RALGPS2: variants seen among roughly 807,000 people sequenced by gnomAD.
RALGPS2 encodes Ral GEF with PH domain and SH3 binding motif 2, also known as ras-specific guanine nucleotide-releasing factor RalGPS2.
RALGPS2 carries 43 observed loss-of-function variants against 86.8 expected under a neutral mutation model. That is an observed-to-expected ratio of 0.50 (90% CI 0.39 to 0.64). RALGPS2 has a LOEUF of 0.64. Ranked by LOEUF, RALGPS2 falls within the 30% of genes least tolerant of loss-of-function variation. RALGPS2 has a pLI of 0.00. For synonymous variants in RALGPS2, 243 were observed against 231.3 expected (o/e 1.05, Z -0.46); for missense variants, 536 against 694.6 (o/e 0.77, Z 2.57).
intron 16 of RALGPS2, among the ~76,000 whole-genome samples, chr1:178,894,653 A>G (rs1205089487): frequency 1.3e-5 from 2 of 152,038 alleles, no homozygotes; most frequent in African/African-American, 4.8e-5. Flanking sequence ...TTATTTCTCA[A>G]ATTTTCCAAT....
At chr1:178,812,777 C>T (rs955778160) in intron 6 of RALGPS2, among the ~76,000 whole-genome samples, 1 of 152,122 alleles carries the variant, frequency 6.6e-6, no homozygotes, top group Non-Finnish European at 1.5e-5. Flanking sequence ...AAAGTCATAA[C>T]TCTTTCCTAT....
chr1:178,851,020 C>A, intron 8 of RALGPS2: 1 of 1,071,750 alleles, frequency 9.3e-7, no homozygotes, highest in Admixed American at 3.2e-5. Context: ...ATTTTAAAAA[C>A]TTTCTGTGTA....
At chr1:178,866,298 A>G (rs942339705) in intron 8 of RALGPS2, among the ~76,000 whole-genome samples, 4 of 152,238 alleles carry the variant, frequency 2.6e-5, no homozygotes, top group East Asian at 1.9e-4. Flanking sequence ...TGCAATTCCA[A>G]TTAAATTGAT....
At chr1:178,898,069 C>T (rs1175972161) in intron 17 of RALGPS2, among the ~76,000 whole-genome samples, 2 of 151,984 alleles carry the variant, frequency 1.3e-5, no homozygotes, top group Admixed American at 6.6e-5. Flanking sequence ...GTGGGACCAA[C>T]ATCTAAAGTT....
At chr1:178,861,445 C>T (rs1392778704) in intron 8 of RALGPS2, among the ~76,000 whole-genome samples, 3 of 149,370 alleles carry the variant, frequency 2.0e-5, no homozygotes, top group Non-Finnish European at 4.4e-5. Context: ...CTGTAGCATT[C>T]GTGGGTTTTT....
chr1:178,888,047 T>G (rs1009697975), intron 13 of RALGPS2, among the ~76,000 whole-genome samples: 11 of 152,224 alleles, frequency 7.2e-5, no homozygotes, highest in Non-Finnish European at 1.2e-4. Flanking sequence ...ATGGATGTCC[T>G]TTTGGCTACC....
intron 8 of RALGPS2, among the ~76,000 whole-genome samples, chr1:178,868,481 A>G (rs1035609275): frequency 6.6e-6 from 1 of 152,052 alleles, no homozygotes; most frequent in Non-Finnish European, 1.5e-5. Context: ...AGGAAAATGC[A>G]GGAAGTAATA....
chr1:178,907,429 G>C (rs1248061301), intron 19 of RALGPS2, among the ~76,000 whole-genome samples: 3 of 152,128 alleles, frequency 2.0e-5, no homozygotes, highest in African/African-American at 4.8e-5. Flanking sequence ...ATTTGATGTG[G>C]GTTTCTGTGG....
At chr1:178,900,130 G>A (rs1260833665) in intron 17 of RALGPS2, among the ~76,000 whole-genome samples, 6 of 151,842 alleles carry the variant, frequency 4.0e-5, no homozygotes, top group Non-Finnish European at 7.4e-5. Context: ...GCTAATCATT[G>A]TGGCATTCTC....
At chr1:178,803,827 A>G (rs888693393) in intron 4 of RALGPS2, among the ~76,000 whole-genome samples, 3 of 152,118 alleles carry the variant, frequency 2.0e-5, no homozygotes, top group South Asian at 4.1e-4. Flanking sequence ...TCCCCTCAGT[A>G]TTCCCTATCT....
chr1:178,803,900 T>A (rs1364664349), intron 4 of RALGPS2, among the ~76,000 whole-genome samples: 3 of 152,196 alleles, frequency 2.0e-5, no homozygotes, highest in Non-Finnish European at 2.9e-5. Flanking sequence ...TTAGCTTACA[T>A]CACATGAGTC....
intron 8 of RALGPS2, among the ~76,000 whole-genome samples, chr1:178,838,459 G>C (rs542292352): frequency 2.0e-5 from 3 of 152,132 alleles, no homozygotes; most frequent in Non-Finnish European, 4.4e-5. Flanking sequence ...CTGCAGCTGC[G>C]GGTCCTGACT....
intron 8 of RALGPS2, among the ~76,000 whole-genome samples, chr1:178,861,804 A>G (rs982980357): frequency 2.6e-5 from 4 of 152,180 alleles, no homozygotes; most frequent in Non-Finnish European, 4.4e-5. Flanking sequence ...TTTTATTTCT[A>G]TACCCAGTGG....
At chr1:178,818,153 G>C (rs1655325290) in intron 6 of RALGPS2, among the ~76,000 whole-genome samples, 1 of 152,140 alleles carries the variant, frequency 6.6e-6, no homozygotes, top group Non-Finnish European at 1.5e-5. Flanking sequence ...CTGAGGTCAG[G>C]AGTTTGAGAC....
At position 178,877,616 on chromosome 1, in the gene RALGPS2, A is replaced by G; in HGVS notation, c.726A>G (p.Leu242=). ...MNNILRIISD[L]QQSCEYDIPM... Reference sequence around the variant, plus strand: ...ATATCCTTCGAATAATTTCTGATTTACAGCAGTCTTGTGAATATGGTAAGT... The same window carrying G: ...ATATCCTTCGAATAATTTCTGATTTGCAGCAGTCTTGTGAATATGGTAAGT... Residue 242 remains leucine, a synonymous_variant, in exon 9 of 20, where the codon TTA becomes TTG. Transcript: ENST00000367635. 1 of 1,613,306 alleles carries G rather than the reference A, an allele frequency of 6.2e-7. No homozygotes were observed.
intron 8 of RALGPS2, among the ~76,000 whole-genome samples, chr1:178,849,110 A>G (rs1440505300): frequency 6.6e-6 from 1 of 152,206 alleles, no homozygotes; most frequent in Non-Finnish European, 1.5e-5. Context: ...TGATCGTCAC[A>G]AAAACCACGA....
At chr1:178,850,422 CAT>C (rs1486065575) in intron 8 of RALGPS2, 3 of 152,216 alleles carry the variant, frequency 2.0e-5, no homozygotes, top group African/African-American at 7.2e-5. Context: ...TTCAGCATAT[CAT>C]ATGAAGATAA....
chr1:178,773,095 C>T (rs1652885488), intron 1 of RALGPS2, among the ~76,000 whole-genome samples: 1 of 152,208 alleles, frequency 6.6e-6, no homozygotes, highest in Non-Finnish European at 1.5e-5. Context: ...AGCCCCTGTA[C>T]CTGGCCTATT....
At chr1:178,848,454 AC>A (rs1430441976) in intron 8 of RALGPS2, among the ~76,000 whole-genome samples, 2 of 152,174 alleles carry the variant, frequency 1.3e-5, no homozygotes, top group Non-Finnish European at 2.9e-5. Context: ...CTTGGACCTT[AC>A]CTACCACACA....
Sources: allele counts gnomAD v4.1 joint callset (sites outside exome capture counted in the v4.1 genomes callset), GRCh38; gene constraint gnomAD v4.1.1; transcripts MANE v1.5; gene names NCBI Gene and HGNC (gene_info 2026-07-23, HGNC 2026-07-21).